LYRM4: variants seen among roughly 807,000 people sequenced by gnomAD.
The protein encoded by LYRM4 is LYR motif-containing protein 4.
Under a neutral mutation model 11.7 loss-of-function variants are expected in LYRM4, and 9 were observed. That is an observed-to-expected ratio of 0.77 (90% CI 0.46 to 1.34). The LOEUF (loss-of-function observed/expected upper bound fraction) is 1.34. LYRM4 is among the 40% of genes most tolerant of loss of function. The pLI, the probability that LYRM4 is intolerant of heterozygous loss-of-function variation, is 0.00. For missense variants in LYRM4, 133 were observed against 112.5 expected (o/e 1.18, Z -0.82); for synonymous variants, 42 against 40.4 (o/e 1.04, Z -0.15).
At chr6:5,135,617 C>T (rs549919476) in intron 2 of LYRM4, among the ~76,000 whole-genome samples, 33 of 152,180 alleles carry the variant, frequency 2.2e-4, no homozygotes, top group African/African-American at 8.0e-4. Flanking sequence ...TGTTCATTTC[C>T]TCTGGATGCC....
the LYRM4 span, chr6:5,086,342 C>G: frequency 6.5e-7 from 1 of 1,535,892 alleles, no homozygotes; most frequent in Non-Finnish European, 8.7e-7. Flanking sequence ...GCCTCCGAGC[C>G]AGGGTCCGGG....
At chr6:5,246,669 G>A (rs1252430652) in intron 1 of LYRM4, among the ~76,000 whole-genome samples, 1 of 152,162 alleles carries the variant, frequency 6.6e-6, no homozygotes, top group African/African-American at 2.4e-5. Flanking sequence ...GGCCTGGGAG[G>A]TGTCCAGACA....
At chr6:5,180,428 C>T (rs1333726235) in intron 2 of LYRM4, among the ~76,000 whole-genome samples, 3 of 152,214 alleles carry the variant, frequency 2.0e-5, no homozygotes, top group Admixed American at 2.0e-4. Flanking sequence ...TTCCAAACAG[C>T]CTGGCTCTAC....
At chr6:5,253,653 G>A (rs894756328) in intron 1 of LYRM4, among the ~76,000 whole-genome samples, 12 of 152,074 alleles carry the variant, frequency 7.9e-5, no homozygotes, top group African/African-American at 1.7e-4. Flanking sequence ...TGAAGATGAG[G>A]AGCCTAGTCG....
rs565624203 is a variant in LYRM4 at position 5,152,891 on chromosome 6, G to C, written c.208-43400C>G. Among the ~76,000 whole-genome samples, 15 of 152,306 alleles carry C rather than the reference G, an allele frequency of 9.8e-5. No individual in the cohort carries two copies. In the East Asian group the frequency reaches 2.9e-3, roughly 29 times the overall value. On this transcript the variant is annotated intron_variant, in intron 2 of 2. Coordinates refer to ENST00000330636, the MANE Select transcript of LYRM4 (RefSeq NM_020408.6). Reference sequence around the variant, plus strand: ...ACAAACTTGCTGCCAGATGAGAAAGGCATAAGGGTGGCTTATTTAATGACA... The same window carrying C: ...ACAAACTTGCTGCCAGATGAGAAAGCCATAAGGGTGGCTTATTTAATGACA...
the LYRM4 span, chr6:5,086,742 G>C: frequency 1.4e-3 from 826 of 604,268 alleles, 5 homozygotes; most frequent in African/African-American, 0.014. Context: ...ACAAGTGAGC[G>C]AGCTTAGAGA....
intron 2 of LYRM4, among the ~76,000 whole-genome samples, chr6:5,149,480 CA>C (rs1244407379): frequency 2.0e-5 from 3 of 152,126 alleles, no homozygotes; most frequent in Non-Finnish European, 4.4e-5. Context: ...AGCTGGGATT[CA>C]AACCTCTTTA....
chr6:5,251,546 C>A lies in LYRM4; in HGVS notation c.86+9102G>T, dbSNP rs570485856. Among the ~76,000 whole-genome samples the A allele has an allele frequency of 2.0e-5, 3 of 152,204 alleles. No homozygotes were observed. In the East Asian group the frequency reaches 5.8e-4, roughly 29 times the overall value. ...GAGCAAGCAAGCGAGGAAGGAGATGCCACATACTTTAAAACAACCGGATCT... is the reference window on the plus strand; with the variant it reads ...GAGCAAGCAAGCGAGGAAGGAGATGACACATACTTTAAAACAACCGGATCT... On this transcript the variant is annotated intron_variant, in intron 1 of 2. Coordinates refer to ENST00000330636, the MANE Select transcript of LYRM4 (RefSeq NM_020408.6).
intron 1 of LYRM4, among the ~76,000 whole-genome samples, chr6:5,226,568 G>C (rs1167195513): frequency 6.6e-6 from 1 of 152,062 alleles, no homozygotes; most frequent in African/African-American, 2.4e-5. Flanking sequence ...GTAGAGACAG[G>C]GTTTTTCCAT....
intron 2 of LYRM4, among the ~76,000 whole-genome samples, chr6:5,192,527 T>C (rs1469737586): frequency 6.6e-6 from 1 of 152,154 alleles, no homozygotes; most frequent in African/African-American, 2.4e-5. Flanking sequence ...ATCACTACCA[T>C]AGCATTGGGA....
intron 2 of LYRM4, among the ~76,000 whole-genome samples, chr6:5,147,943 GGCAACTGGTTCTCTCCACATGGA>G (rs1317554089): frequency 1.3e-5 from 2 of 152,094 alleles, no homozygotes; most frequent in East Asian, 3.8e-4. Flanking sequence ...TAAATTAGTG[GGCAACTGGTTCTCTCCACATGGA>G]GCGGGAAAAC....
At chr6:5,041,354 A>C in the LYRM4 span, among the ~76,000 whole-genome samples, 2 of 152,186 alleles carry the variant, frequency 1.3e-5, no homozygotes, top group East Asian at 3.9e-4. Context: ...AGCTGTCATA[A>C]ATTACATATT....
intron 1 of LYRM4, among the ~76,000 whole-genome samples, chr6:5,241,962 A>T (rs1763906355): frequency 1.3e-5 from 2 of 151,488 alleles, no homozygotes; most frequent in South Asian, 2.1e-4. Context: ...TAAATAAGAA[A>T]CTCCCAAACA....
intron 1 of LYRM4, among the ~76,000 whole-genome samples, chr6:5,227,123 G>A (rs944075488): frequency 1.3e-5 from 2 of 152,210 alleles, no homozygotes; most frequent in Admixed American, 6.5e-5. Context: ...AATGGGACAA[G>A]GTAGACATGT....
chr6:5,260,933 C>G lies in LYRM4; in HGVS notation c.-200G>C. 4.4e-6 allele frequency: 6 copies of G among 1,349,360 alleles called. No individual in the cohort carries two copies. Among genetic ancestry groups the G allele is most frequent in the Non-Finnish European group, 5.7e-6 (6 of 1,054,816 alleles). 83.6% of individuals were successfully genotyped at this position (1,349,360 alleles called of 1,614,324 possible). A position where few individuals can be genotyped will look rare whatever the true frequency, so the allele number is the denominator to read the frequency against. On this transcript the variant is annotated 5_prime_UTR_variant, in exon 1 of 3. Transcript: ENST00000330636. The stretch of plus-strand genomic sequence containing the variant: ...CAGGCGTCCCGCGCCGCTTCGGGGG[C>G]GGGCGCAGGCAGGGCTCGGGGCAGC...
At chr6:5,128,208 T>C (rs1763783943) in intron 2 of LYRM4, among the ~76,000 whole-genome samples, 1 of 152,096 alleles carries the variant, frequency 6.6e-6, no homozygotes, top group South Asian at 2.1e-4. Context: ...AAAATCCCAA[T>C]TTAGGTTTCT....
chr6:5,129,635 T>A (rs1162338787), intron 2 of LYRM4, among the ~76,000 whole-genome samples: 4 of 152,192 alleles, frequency 2.6e-5, no homozygotes, highest in African/African-American at 9.7e-5. Flanking sequence ...CATTTGATCA[T>A]ACCTGTGAAG....
the LYRM4 span, chr6:5,084,587 C>G: frequency 1.3e-5 from 2 of 152,048 alleles, no homozygotes; most frequent in Non-Finnish European, 2.9e-5. Flanking sequence ...GAATGGCCTC[C>G]GGCCGCTCTC....
At chr6:5,101,787 A>G (rs775785356), downstream of LYRM4, among the ~76,000 whole-genome samples, 4 of 151,652 alleles carry the variant, frequency 2.6e-5, no homozygotes, top group Admixed American at 1.3e-4. Context: ...CCTCAAAACT[A>G]CCACCACACC....
Sources: gnomAD v4.1 joint callset for allele counts (sites outside exome capture counted in the v4.1 genomes callset) on GRCh38, gnomAD v4.1.1 for gene constraint, MANE v1.5 for transcripts, NCBI Gene and HGNC (gene_info 2026-07-23, HGNC 2026-07-21) for gene names.